PRIM2: variants seen among roughly 807,000 people sequenced by gnomAD.
The protein encoded by PRIM2 is DNA primase subunit 2.
PRIM2 carries 39 observed loss-of-function variants against 67.3 expected under a neutral mutation model. The ratio of observed to expected loss-of-function variants is 0.58; its 90% confidence interval spans 0.45 to 0.76. PRIM2 has a LOEUF of 0.76. Ranked by LOEUF, PRIM2 falls within the 30% of genes least tolerant of loss-of-function variation. The pLI is 0.00. For synonymous variants in PRIM2, 143 were observed against 198.7 expected (o/e 0.72, Z 2.36); for missense variants, 398 against 598.7 (o/e 0.66, Z 3.50).
chr6:57,572,589 G>A (rs1313718134), intron 10 of PRIM2, among the ~76,000 whole-genome samples: 1 of 152,132 alleles, frequency 6.6e-6, no homozygotes, highest in Non-Finnish European at 1.5e-5. Context: ...ATGCAATTTT[G>A]TGTGCATACC....
chr6:57,394,694 C>G (rs1252794518), intron 7 of PRIM2, among the ~76,000 whole-genome samples: 2 of 152,070 alleles, frequency 1.3e-5, no homozygotes, highest in Non-Finnish European at 2.9e-5. Flanking sequence ...ACTTCCAGTA[C>G]TATATTAAAG....
chr6:57,604,527 A>T (rs1776526582), intron 11 of PRIM2, among the ~76,000 whole-genome samples: 1 of 152,040 alleles, frequency 6.6e-6, no homozygotes, highest in South Asian at 2.1e-4. Context: ...GAGAGTGGGC[A>T]TCCTTGTCTT....
intron 7 of PRIM2, among the ~76,000 whole-genome samples, chr6:57,453,412 C>G (rs1772631542): frequency 2.0e-5 from 3 of 152,136 alleles, no homozygotes; most frequent in Admixed American, 2.0e-4. Flanking sequence ...TTCTTCCTAT[C>G]CATGAGCATG....
chr6:57,451,497 A>T (rs578129202), intron 7 of PRIM2, among the ~76,000 whole-genome samples: 1 of 152,074 alleles, frequency 6.6e-6, no homozygotes, highest in Admixed American at 6.6e-5. Flanking sequence ...CGATAATTGG[A>T]TTCACCATAA....
chr6:57,619,156 C>T (rs1236847729), intron 12 of PRIM2, among the ~76,000 whole-genome samples: 2 of 152,118 alleles, frequency 1.3e-5, no homozygotes, highest in African/African-American at 4.8e-5. Flanking sequence ...GATGGTTAAA[C>T]CCAGAAGAGA....
intron 7 of PRIM2, among the ~76,000 whole-genome samples, chr6:57,404,296 C>G (rs1428374120): frequency 9.7e-6 from 1 of 102,690 alleles, no homozygotes; most frequent in Non-Finnish European, 2.0e-5. Flanking sequence ...CTGATTTACC[C>G]TCAAGCAGGT....
At chr6:57,473,084 C>T (rs1773376631) in intron 7 of PRIM2, among the ~76,000 whole-genome samples, 1 of 152,152 alleles carries the variant, frequency 6.6e-6, no homozygotes, top group Non-Finnish European at 1.5e-5. Flanking sequence ...CTTCAGTAAA[C>T]CTAAATTCTC....
intron 13 of PRIM2, among the ~76,000 whole-genome samples, chr6:57,644,447 T>G (rs1777298409): frequency 6.6e-6 from 1 of 152,204 alleles, no homozygotes; most frequent in Non-Finnish European, 1.5e-5. Flanking sequence ...GTGACCCTCA[T>G]CAGTTCTCCA....
intron 7 of PRIM2, among the ~76,000 whole-genome samples, chr6:57,395,799 G>A (rs919664023): frequency 4.6e-5 from 7 of 152,008 alleles, no homozygotes; most frequent in Non-Finnish European, 1.0e-4. Context: ...TAGGCATTTA[G>A]GGCTATGAAC....
intron 7 of PRIM2, among the ~76,000 whole-genome samples, chr6:57,450,309 A>G (rs1182692132): frequency 6.6e-6 from 1 of 152,172 alleles, no homozygotes; most frequent in Non-Finnish European, 1.5e-5. Context: ...CCTGTTGGAA[A>G]CTAATTTTGT....
At chr6:57,423,110 C>T (rs1386548869) in intron 7 of PRIM2, among the ~76,000 whole-genome samples, 3 of 151,998 alleles carry the variant, frequency 2.0e-5, no homozygotes, top group Non-Finnish European at 4.4e-5. Context: ...GTAGCCTTTG[C>T]TTTTTTTCAC....
intron 7 of PRIM2, among the ~76,000 whole-genome samples, chr6:57,483,050 C>T (rs1176822068): frequency 6.6e-6 from 1 of 152,050 alleles, no homozygotes; most frequent in African/African-American, 2.4e-5. Flanking sequence ...GCTGGGATTA[C>T]AGGTGTGACA....
intron 12 of PRIM2, among the ~76,000 whole-genome samples, chr6:57,612,190 G>C: frequency 6.6e-6 from 1 of 152,170 alleles, no homozygotes; most frequent in Non-Finnish European, 1.5e-5. Flanking sequence ...TTCTTATAAA[G>C]TGAAGCTTAC....
At position 57,541,585 on chromosome 6, in the gene PRIM2, A is replaced by T. The variant is rs1398552042; in HGVS notation, c.1020+3960A>T. Among the ~76,000 whole-genome samples the T allele has an allele frequency of 2.4e-3, 373 of 152,252 alleles. 6 individuals are homozygous for T. The highest frequency in any genetic ancestry group is 8.6e-3 in the African/African-American group (358 of 41,544). On this transcript the variant is annotated intron_variant, in intron 10 of 13. Coordinates refer to ENST00000615550, the MANE Select transcript of PRIM2 (RefSeq NM_000947.5). ...GAATAAAAAGTTATACATGGATTTTAACTGTATGGGGTGAGGGGTGGAGGT... is the reference window on the plus strand; with the variant it reads ...GAATAAAAAGTTATACATGGATTTTTACTGTATGGGGTGAGGGGTGGAGGT...
chr6:57,521,451 G>T (rs1350420020), intron 8 of PRIM2, among the ~76,000 whole-genome samples: 1 of 134,204 alleles, frequency 7.5e-6, no homozygotes, highest in Non-Finnish European at 1.5e-5. Flanking sequence ...GTAATGTACA[G>T]AAACATTTAC....
chr6:57,359,121 G>A (rs749153777), intron 5 of PRIM2, among the ~76,000 whole-genome samples: 7 of 152,080 alleles, frequency 4.6e-5, no homozygotes, highest in Non-Finnish European at 8.8e-5. Flanking sequence ...CCCACCTCTT[G>A]ATGTGAGTGG....
At chr6:57,629,665 G>GT (rs1777010745) in intron 12 of PRIM2, among the ~76,000 whole-genome samples, 1 of 151,276 alleles carries the variant, frequency 6.6e-6, no homozygotes, top group Non-Finnish European at 1.5e-5. Context: ...CTGAATTCCT[G>GT]TAATGAGCTC....
intron 8 of PRIM2, among the ~76,000 whole-genome samples, chr6:57,518,586 T>C (rs1774537670): frequency 6.6e-6 from 1 of 152,166 alleles, no homozygotes; most frequent in Admixed American, 6.5e-5. Flanking sequence ...GAGTGAATTA[T>C]AGAAACTGTC....
In PRIM2 at chr6:57,629,266, C is replaced by T. The variant is rs1302077584; in HGVS notation, c.1231-2867C>T. Among the ~76,000 whole-genome samples, 9 of 152,246 alleles carry T rather than the reference C, an allele frequency of 5.9e-5. No homozygotes were observed. The South Asian group carries it at 1.9e-3, about 32-fold the overall frequency. On this transcript the variant is annotated intron_variant, in intron 12 of 13. Transcript: ENST00000615550. ...TCAGCAAAGTGTGCATCTAAGAAGT[C>T]CTAACTCTAAGAGACATGAGGTATC...
Sources: gnomAD v4.1 joint callset for allele counts (sites outside exome capture counted in the v4.1 genomes callset) on GRCh38, gnomAD v4.1.1 for gene constraint, MANE v1.5 for transcripts, NCBI Gene and HGNC (gene_info 2026-07-23, HGNC 2026-07-21) for gene names.